The following EDIL3 variants were observed in gnomAD, a reference collection of about 807,000 sequenced individuals.
EDIL3 encodes the protein EGF like and discoidin domains 3, also known as EGF-like repeat and discoidin I-like domain-containing protein 3.
EDIL3 carries 37 observed loss-of-function variants against 67.4 expected under a neutral mutation model. The ratio of observed to expected loss-of-function variants is 0.55; its 90% CI spans 0.42 to 0.72. EDIL3 has a LOEUF of 0.72. Ranked by LOEUF, EDIL3 falls within the 30% of genes least tolerant of loss-of-function variation. EDIL3 has a pLI of 0.00. For synonymous variants in EDIL3, 195 were observed against 196.3 expected, an observed-to-expected ratio of 0.99 and a Z score of 0.05; for missense variants, 527 against 586.3, an observed-to-expected ratio of 0.90 and a Z score of 1.04.
intron 4 of EDIL3, among the ~76,000 whole-genome samples, chr5:84,172,560 T>A (rs140054605): frequency 6.6e-6 from 1 of 151,592 alleles, no homozygotes; most frequent in African/African-American, 2.4e-5. Flanking sequence ...CCAGACTGGG[T>A]GACAGAGTGA....
intron 3 of EDIL3, among the ~76,000 whole-genome samples, chr5:84,213,877 A>C (rs1360082703): frequency 2.0e-5 from 3 of 152,226 alleles, no homozygotes; most frequent in Non-Finnish European, 2.9e-5. Context: ...TGAGACATGA[A>C]TAACAATGCA....
In EDIL3 at chr5:84,093,901, A is replaced by G. The variant is rs184079442; in HGVS notation, c.651+12748T>C. On this transcript the variant is annotated intron_variant, in intron 6 of 10. Transcript: ENST00000296591. ...ACTTGAGCTCCCAACATCATGATCC[A>G]CCTGCCTCAGCCTCCCAAATTGCTG... Among the ~76,000 whole-genome samples, 48 of 151,984 alleles carry G rather than the reference A, an allele frequency of 3.2e-4. 1 individual carries two copies. The East Asian group carries it at 9.1e-3, about 29-fold the overall frequency.
At chr5:84,309,901 C>T (rs113055729) in intron 1 of EDIL3, among the ~76,000 whole-genome samples, 20 of 152,222 alleles carry the variant, frequency 1.3e-4, no homozygotes, top group African/African-American at 4.8e-4. Context: ...GTTCTAGATC[C>T]CTGAAGAATT....
chr5:84,131,709 G>A (rs1222061547), intron 5 of EDIL3, among the ~76,000 whole-genome samples: 1 of 152,122 alleles, frequency 6.6e-6, no homozygotes, highest in Non-Finnish European at 1.5e-5. Flanking sequence ...TTGACACATA[G>A]TAATGCTTAA....
At chr5:84,112,310 G>A (rs1258036594) in intron 5 of EDIL3, among the ~76,000 whole-genome samples, 2 of 152,148 alleles carry the variant, frequency 1.3e-5, no homozygotes, top group Non-Finnish European at 2.9e-5. Context: ...TCTGAAAGAG[G>A]GGCGGAGAAG....
chr5:84,127,510 A>G (rs1173706530), intron 5 of EDIL3, among the ~76,000 whole-genome samples: 1 of 151,954 alleles, frequency 6.6e-6, no homozygotes, highest in Non-Finnish European at 1.5e-5. Flanking sequence ...TGTGGCTATT[A>G]TTTTCTACTC....
intron 6 of EDIL3, among the ~76,000 whole-genome samples, chr5:84,079,514 C>T (rs1746924953): frequency 6.6e-6 from 1 of 151,868 alleles, no homozygotes; most frequent in Non-Finnish European, 1.5e-5. Context: ...CGTTTTGTGA[C>T]CAGAAGTAAA....
chr5:84,331,434 C>T (rs1425978373), intron 1 of EDIL3, among the ~76,000 whole-genome samples: 2 of 152,052 alleles, frequency 1.3e-5, no homozygotes, highest in African/African-American at 4.8e-5. Flanking sequence ...GGGGACATTA[C>T]CCTCATGCTT....
intron 9 of EDIL3, among the ~76,000 whole-genome samples, chr5:84,014,689 G>C (rs1745570415): frequency 6.6e-6 from 1 of 151,990 alleles, no homozygotes; most frequent in Non-Finnish European, 1.5e-5. Context: ...GATCATATTT[G>C]TAACTAAAAA....
At chr5:83,995,473 A>G (rs1745223351) in intron 9 of EDIL3, among the ~76,000 whole-genome samples, 1 of 152,194 alleles carries the variant, frequency 6.6e-6, no homozygotes, top group Non-Finnish European at 1.5e-5. Context: ...TTATCCAGCA[A>G]TAATCATTAA....
intron 9 of EDIL3, among the ~76,000 whole-genome samples, chr5:84,051,523 G>A (rs1377608544): frequency 6.6e-6 from 1 of 152,142 alleles, no homozygotes; most frequent in Non-Finnish European, 1.5e-5. Flanking sequence ...ACTAAAGGAG[G>A]AAGTTCGAAC....
chr5:84,094,868 A>G (rs1747236359), intron 6 of EDIL3, among the ~76,000 whole-genome samples: 1 of 152,236 alleles, frequency 6.6e-6, no homozygotes, highest in Non-Finnish European at 1.5e-5. Context: ...AAAATCAAAT[A>G]GCCATTTAGA....
chr5:84,184,000 G>A lies in EDIL3; in HGVS notation c.227-3479C>T, dbSNP rs935000044. 2.6e-5 allele frequency among the ~76,000 whole-genome samples: 4 copies of A among 152,254 alleles called. No individual in the cohort carries two copies. The East Asian group carries it at 5.8e-4, about 22-fold the overall frequency. ...GCATGGCTATAATCCCAGCTACTTC[G>A]GAGGCTGAGGCAGGAGAATTGCTTT... On this transcript the variant is annotated intron_variant, in intron 3 of 10. Transcript: ENST00000296591.
intron 2 of EDIL3, among the ~76,000 whole-genome samples, chr5:84,243,721 G>A (rs1278247977): frequency 1.3e-5 from 2 of 152,212 alleles, no homozygotes; most frequent in Admixed American, 6.5e-5. Context: ...GCTGAGAGAT[G>A]GAAATTTTGC....
At chr5:84,300,030 G>T (rs1029493367) in intron 1 of EDIL3, among the ~76,000 whole-genome samples, 1 of 152,164 alleles carries the variant, frequency 6.6e-6, no homozygotes, top group Non-Finnish European at 1.5e-5. Context: ...AAATTATCAT[G>T]AACTGACTGG....
chr5:84,047,154 G>C (rs16876538), intron 9 of EDIL3, among the ~76,000 whole-genome samples: 2,150 of 152,126 alleles, frequency 0.014, 23 homozygotes, highest in Middle Eastern at 0.037. Flanking sequence ...TGTACCACTA[G>C]AGCTTGTCTT....
chr5:83,964,543 T>A (rs1327827998), intron 9 of EDIL3, among the ~76,000 whole-genome samples: 86 of 152,120 alleles, frequency 5.7e-4, no homozygotes, highest in Non-Finnish European at 1.6e-4. Flanking sequence ...ATGGGTCAGA[T>A]ACAGGCCATG....
intron 1 of EDIL3, among the ~76,000 whole-genome samples, chr5:84,306,865 T>C (rs1281315407): frequency 2.0e-5 from 3 of 152,218 alleles, no homozygotes; most frequent in Non-Finnish European, 4.4e-5. Context: ...TCACCAGCTA[T>C]GTGACCTTAA....
chr5:84,232,085 C>T (rs1203704964), intron 2 of EDIL3, among the ~76,000 whole-genome samples: 50 of 152,108 alleles, frequency 3.3e-4, no homozygotes, highest in Non-Finnish European at 2.9e-5. Context: ...TTCTGCTGTG[C>T]CTTATTGTAT....
Sources: gnomAD v4.1 joint callset for allele counts (sites outside exome capture counted in the v4.1 genomes callset) on GRCh38, gnomAD v4.1.1 for gene constraint, MANE v1.5 for transcripts, NCBI Gene and HGNC (gene_info 2026-07-23, HGNC 2026-07-21) for gene names.